CACNB2: variants seen among roughly 807,000 people sequenced by gnomAD.
CACNB2 encodes the protein calcium voltage-gated channel auxiliary subunit beta 2, also known as voltage-dependent L-type calcium channel subunit beta-2.
Under a neutral mutation model 73.3 loss-of-function variants are expected in CACNB2, and 42 were observed. The ratio of observed to expected loss-of-function variants is 0.57; its 90% CI spans 0.45 to 0.74. CACNB2 has a LOEUF of 0.74. CACNB2 is among the 30% of genes least tolerant of loss of function. The pLI is 0.00. For synonymous variants in CACNB2, 348 were observed against 310.3 expected, an observed-to-expected ratio of 1.12 and a Z score of -1.28; for missense variants, 940 against 853.0, an observed-to-expected ratio of 1.10 and a Z score of -1.27.
At chr10:18,397,574 G>C (rs2043777385) in intron 2 of CACNB2, among the ~76,000 whole-genome samples, 1 of 152,074 alleles carries the variant, frequency 6.6e-6, no homozygotes, top group South Asian at 2.1e-4. Flanking sequence ...AATTAGCCGA[G>C]TGTGGTGGTG....
At chr10:18,293,276 C>G (rs546992546) in intron 2 of CACNB2, among the ~76,000 whole-genome samples, 3 of 152,288 alleles carry the variant, frequency 2.0e-5, no homozygotes, top group East Asian at 3.9e-4. Flanking sequence ...TTCACTTCCT[C>G]TTAGTAAAAC....
intron 2 of CACNB2, among the ~76,000 whole-genome samples, chr10:18,246,934 C>T (rs947286778): frequency 3.3e-5 from 5 of 152,042 alleles, no homozygotes; most frequent in African/African-American, 1.2e-4. Flanking sequence ...TTAAACCTAG[C>T]CCGAATAAGT....
At chr10:18,454,590 A>C (rs1000466014) in intron 3 of CACNB2, among the ~76,000 whole-genome samples, 5 of 152,260 alleles carry the variant, frequency 3.3e-5, no homozygotes, top group Admixed American at 6.5e-5. Context: ...AAAGCATTTA[A>C]TATCAATCAT....
At chr10:18,202,477 G>T (rs2034923528) in intron 2 of CACNB2, among the ~76,000 whole-genome samples, 1 of 152,124 alleles carries the variant, frequency 6.6e-6, no homozygotes, top group Admixed American at 6.6e-5. Flanking sequence ...CTCGGTGTAA[G>T]TATCAGCTCA....
chr10:18,521,773 C>T (rs192307737), intron 9 of CACNB2, among the ~76,000 whole-genome samples: 1 of 152,146 alleles, frequency 6.6e-6, no homozygotes, highest in Non-Finnish European at 1.5e-5. Context: ...TTACAGGGGA[C>T]CTGGAAGATA....
intron 2 of CACNB2, among the ~76,000 whole-genome samples, chr10:18,293,220 T>C (rs2039138866): frequency 6.6e-6 from 1 of 152,222 alleles, no homozygotes; most frequent in Non-Finnish European, 1.5e-5. Context: ...AATTCGCTTT[T>C]AATAATGGAT....
At chr10:18,511,515 T>C (rs534222905) in intron 6 of CACNB2, among the ~76,000 whole-genome samples, 3 of 152,376 alleles carry the variant, frequency 2.0e-5, no homozygotes, top group East Asian at 3.9e-4. Context: ...TCCCAGGGAA[T>C]GGTAGCTGTA....
At chr10:18,276,108 C>T (rs1023965737) in intron 2 of CACNB2, among the ~76,000 whole-genome samples, 1 of 152,156 alleles carries the variant, frequency 6.6e-6, no homozygotes, top group African/African-American at 2.4e-5. Context: ...ATCTCTGTAC[C>T]ATGCAACAAT....
At chr10:18,317,877 G>T (rs1394435776) in intron 2 of CACNB2, among the ~76,000 whole-genome samples, 2 of 152,096 alleles carry the variant, frequency 1.3e-5, no homozygotes, top group Non-Finnish European at 2.9e-5. Flanking sequence ...AGGTCTTTAT[G>T]CTCTAAAAGA....
chr10:18,417,543 A>G (rs2045062048), intron 3 of CACNB2, among the ~76,000 whole-genome samples: 1 of 151,630 alleles, frequency 6.6e-6, no homozygotes, highest in African/African-American at 2.4e-5. Context: ...TAATTTTTGT[A>G]TTTTTAGTAG....
chr10:18,525,578 GT>G (rs1395039216), intron 9 of CACNB2, among the ~76,000 whole-genome samples: 4 of 151,818 alleles, frequency 2.6e-5, no homozygotes, highest in Admixed American at 6.6e-5. Flanking sequence ...GTTTCTCTTT[GT>G]CCCCAGTGTT....
chr10:18,413,489 C>T lies in CACNB2; in HGVS notation c.333+11446C>T, dbSNP rs76169670. On this transcript the variant is annotated intron_variant, in intron 3 of 13. Transcript: ENST00000324631. ...TTTGGATCTCTGTCGGTTCTGCCAC[C>T]CACTTAAAATTGAGCTCCCAGTCTT... is the stretch of plus-strand genomic sequence containing the variant. Among the ~76,000 whole-genome samples, 1,326 of 152,290 alleles carry T rather than the reference C, an allele frequency of 8.7e-3. 26 individuals carry two copies. Among genetic ancestry groups the T allele is most frequent in the African/African-American group, 0.03 (1,260 of 41,566 alleles).
At chr10:18,194,125 A>G (rs755326348) in intron 2 of CACNB2, among the ~76,000 whole-genome samples, 3 of 152,146 alleles carry the variant, frequency 2.0e-5, no homozygotes, top group African/African-American at 7.2e-5. Context: ...GAGATGCCCC[A>G]TGCCTCTGAG....
chr10:18,151,029 T>A (rs2031508832), intron 2 of CACNB2, 54 bp downstream of exon 2: 1 of 1,126,954 alleles, frequency 8.9e-7, no homozygotes, highest in African/African-American at 1.5e-5. Context: ...ACTTTAGATT[T>A]TTAAAGGTGG....
intron 2 of CACNB2, among the ~76,000 whole-genome samples, chr10:18,259,570 A>AAAAAAAAAAAAAAAAAGAAAAC: frequency 8.5e-6 from 1 of 116,988 alleles, no homozygotes; most frequent in South Asian, 2.5e-4. Flanking sequence ...CAAACAAAAA[A>AAAAAAAAAAAAAAAAAGAAAAC]AAAAAGTAAA....
intron 10 of CACNB2, among the ~76,000 whole-genome samples, chr10:18,532,718 C>CA (rs1018966349): frequency 4.4e-4 from 53 of 121,782 alleles, no homozygotes; most frequent in Non-Finnish European, 7.5e-4. Flanking sequence ...AACAAACAAA[C>CA]AAAAAAAACA....
chr10:18,402,030 T>G lies in CACNB2; in HGVS notation c.320T>G (p.Leu107Trp). The change falls in exon 3 of 14, where the codon TTG (leucine) becomes TGG (tryptophan). Residue 107 changes from leucine to tryptophan, a missense_variant. By Grantham distance (61) the Leu-to-Trp change is moderately conservative. Transcript: ENST00000324631. ...REAERQAQAQ[L>W]EKAKTKPVAF... ...GCGGAGCGGCAGGCCCAGGCACAGT[T>G]GGAAAAAGCAAAGGTAAAATCGTTT... The G allele has an allele frequency of 6.2e-7, 1 of 1,613,896 alleles. No individual in the cohort carries two copies. The highest frequency in any genetic ancestry group is 1.1e-5 in the South Asian group (1 of 91,080).
At chr10:18,224,696 C>A (rs1305726961) in intron 2 of CACNB2, among the ~76,000 whole-genome samples, 1 of 152,168 alleles carries the variant, frequency 6.6e-6, no homozygotes, top group Non-Finnish European at 1.5e-5. Flanking sequence ...CGTCCCACAA[C>A]CATGACCAGC....
At chr10:18,305,007 A>G (rs1000838235) in intron 2 of CACNB2, among the ~76,000 whole-genome samples, 81 of 152,374 alleles carry the variant, frequency 5.3e-4, no homozygotes, top group African/African-American at 1.9e-3. Flanking sequence ...ACTGCCAAAC[A>G]TATATTTTTG....
Sources: allele counts gnomAD v4.1 joint callset (sites outside exome capture counted in the v4.1 genomes callset), GRCh38; gene constraint gnomAD v4.1.1; transcripts MANE v1.5; gene names NCBI Gene and HGNC (gene_info 2026-07-23, HGNC 2026-07-21).